LRRD1: variants seen among roughly 807,000 people sequenced by gnomAD.
The protein encoded by LRRD1 is leucine-rich repeat and death domain-containing protein 1.
A neutral mutation model predicts 69.5 loss-of-function variants in LRRD1; 49 were observed. The observed-to-expected ratio is 0.70, with a 90% CI of 0.56 to 0.89. LRRD1 has a LOEUF of 0.89. Among genes scored for constraint, LRRD1 ranks in the 40% least tolerant of loss-of-function variants. The pLI is 0.00. For missense variants in LRRD1, 853 were observed against 956.0 expected (o/e 0.89, Z 1.42); for synonymous variants, 303 against 338.9 (o/e 0.89, Z 1.16).
At chr7:92,146,273 G>C in intron 4 of LRRD1, 73 bp from the exon 5 acceptor site, 1 of 733,168 alleles carries the variant, frequency 1.4e-6, no homozygotes, top group Non-Finnish European at 2.1e-6. Context: ...ATTATATCTA[G>C]TTTTCTTATT....
At chr7:92,142,103 C>G (rs998827109), downstream of LRRD1, 11 of 179,328 alleles carry the variant, frequency 6.1e-5, no homozygotes, top group East Asian at 1.6e-3. Flanking sequence ...CCACCATGCC[C>G]AGCTATTTTT....
intron 1 of LRRD1, among the ~76,000 whole-genome samples, chr7:92,175,857 T>C (rs1472638089): frequency 6.6e-6 from 1 of 152,252 alleles, no homozygotes; most frequent in Non-Finnish European, 1.5e-5. Context: ...AACAATTTAT[T>C]TTTCAATAGT....
Position 92,164,137 on chromosome 7 carries a change from G to T in LRRD1, c.1066C>A (p.Leu356Met). The T allele has an allele frequency of 6.5e-7, 1 of 1,549,762 alleles. No individual in the cohort carries two copies. The highest frequency in any genetic ancestry group is 1.4e-5 in the African/African-American group (1 of 73,018). Reference protein sequence around the residue: ...FQLLKIKELQLADNKLEVISH... With the variant: ...FQLLKIKELQMADNKLEVISH... Reference sequence around the variant, plus strand: ...ATAACTTCCAATTTATTGTCGGCCAGTTGGAGTTCTTTTATTTTGAGTAAC... The same window carrying T: ...ATAACTTCCAATTTATTGTCGGCCATTTGGAGTTCTTTTATTTTGAGTAAC... Residue 356 changes from leucine to methionine, a missense_variant, in exon 2 of 6, where the codon CTG becomes ATG. This residue lies in a region of LRRD1 where 739 missense variants were observed against 808.0 expected (regional missense o/e 0.91). Coordinates refer to ENST00000458448, the MANE Select transcript of LRRD1 (RefSeq NM_001161528.2).
At chr7:92,159,988 T>C (rs1788764072) in intron 2 of LRRD1, among the ~76,000 whole-genome samples, 1 of 152,210 alleles carries the variant, frequency 6.6e-6, no homozygotes, top group South Asian at 2.1e-4. Context: ...TACACATGTT[T>C]TATACTTTTT....
intron 2 of LRRD1, among the ~76,000 whole-genome samples, chr7:92,160,429 AAT>A (rs1327701946): frequency 6.6e-6 from 1 of 152,232 alleles, no homozygotes; most frequent in Non-Finnish European, 1.5e-5. Context: ...TAATACAATT[AAT>A]AACTGATGAA....
chr7:92,151,156 T>G (rs955339489), intron 3 of LRRD1, among the ~76,000 whole-genome samples: 8 of 152,222 alleles, frequency 5.3e-5, no homozygotes, highest in African/African-American at 1.4e-4. Flanking sequence ...TTCAGATTTT[T>G]TTGGATTCAT....
intron 1 of LRRD1, among the ~76,000 whole-genome samples, chr7:92,171,421 C>T (rs571104818): frequency 6.6e-6 from 1 of 151,850 alleles, no homozygotes; most frequent in Non-Finnish European, 1.5e-5. Flanking sequence ...ATTGGAAAAC[C>T]TAGAGGAAAT....
intron 3 of LRRD1, among the ~76,000 whole-genome samples, chr7:92,155,327 A>T (rs1294795464): frequency 6.6e-6 from 1 of 152,226 alleles, no homozygotes; most frequent in East Asian, 1.9e-4. Flanking sequence ...GAATGGATTC[A>T]CAACCCAGGT....
At chr7:92,155,385 T>C (rs1788632183) in intron 3 of LRRD1, among the ~76,000 whole-genome samples, 1 of 152,200 alleles carries the variant, frequency 6.6e-6, no homozygotes, top group South Asian at 2.1e-4. Flanking sequence ...TGCACAATTT[T>C]AAATTTATGA....
chr7:92,142,320 GGTGAAAA>G (rs1820173357), downstream of LRRD1: 2 of 381,640 alleles, frequency 5.2e-6, no homozygotes, highest in South Asian at 4.0e-5. Flanking sequence ...TCCTTAAGTG[GGTGAAAA>G]GTAAAAAGTG....
At chr7:92,157,889 T>G (rs1467472143) in intron 3 of LRRD1, among the ~76,000 whole-genome samples, 1 of 152,086 alleles carries the variant, frequency 6.6e-6, no homozygotes, top group East Asian at 1.9e-4. Flanking sequence ...ACTTAATGAT[T>G]TCTTCTTTGA....
intron 4 of LRRD1, among the ~76,000 whole-genome samples, chr7:92,147,724 C>A (rs1820362902): frequency 6.6e-6 from 1 of 151,896 alleles, no homozygotes; most frequent in Non-Finnish European, 1.5e-5. Flanking sequence ...GACAAAGGTA[C>A]TGTGAGTTTT....
intron 4 of LRRD1, among the ~76,000 whole-genome samples, chr7:92,147,150 T>C (rs1279285339): frequency 2.0e-5 from 3 of 150,776 alleles, no homozygotes; most frequent in Non-Finnish European, 4.4e-5. Flanking sequence ...CACCGCAACC[T>C]CTGCCTCCCG....
intron 1 of LRRD1, among the ~76,000 whole-genome samples, chr7:92,173,496 A>C (rs1789100933): frequency 6.6e-6 from 1 of 152,192 alleles, no homozygotes; most frequent in Non-Finnish European, 1.5e-5. Flanking sequence ...ACAACTTAAA[A>C]GGAAAAAAAA....
downstream of LRRD1, chr7:92,142,741 G>GT (rs1820190577): frequency 2.3e-6 from 1 of 438,452 alleles, no homozygotes; most frequent in Admixed American, 2.6e-5. Flanking sequence ...CGCAGTGAGT[G>GT]TTACAGCTCT....
chr7:92,158,936 CA>C (rs1297012705), intron 3 of LRRD1, 68 bp downstream of exon 3: 11 of 1,295,796 alleles, frequency 8.5e-6, no homozygotes, highest in African/African-American at 1.6e-5. Context: ...ATCTTGTCAG[CA>C]AAATTTGCAA....
At chr7:92,141,814 A>G (rs991278393), downstream of LRRD1, 1 of 152,274 alleles carries the variant, frequency 6.6e-6, no homozygotes, top group African/African-American at 2.4e-5. Flanking sequence ...TGTTAAACCA[A>G]TGTTATGTTG....
chr7:92,153,957 C>T (rs1788590413), intron 3 of LRRD1, among the ~76,000 whole-genome samples: 1 of 151,558 alleles, frequency 6.6e-6, no homozygotes, highest in African/African-American at 2.4e-5. Context: ...CTGCCTCAGC[C>T]TCCCAAGTAG....
At chr7:92,145,120 G>T in intron 5 of LRRD1, 46 bp from the exon 6 acceptor site, 2 of 942,628 alleles carry the variant, frequency 2.1e-6, no homozygotes, top group Non-Finnish European at 2.8e-6. Flanking sequence ...ATTTATTAAC[G>T]TTTAATATAT....
Sources: allele counts gnomAD v4.1 joint callset (sites outside exome capture counted in the v4.1 genomes callset), GRCh38; gene constraint gnomAD v4.1.1; regional missense constraint gnomAD v4.1.1; transcripts MANE v1.5; gene names NCBI Gene and HGNC (gene_info 2026-07-23, HGNC 2026-07-21).